Variants in THSD7B observed in about 807,000 individuals in gnomAD.
The protein encoded by THSD7B is thrombospondin type 1 domain containing 7B, also known as thrombospondin type-1 domain-containing protein 7B.
A neutral mutation model predicts 213.6 loss-of-function variants in THSD7B; 138 were observed. The observed-to-expected ratio is 0.65, with a 90% CI of 0.56 to 0.74. The LOEUF (loss-of-function observed/expected upper bound fraction) is 0.74, where lower values mean the gene tolerates loss of function less well. THSD7B is among the 30% of genes least tolerant of loss of function. THSD7B has a pLI of 0.00. For missense variants in THSD7B, 1,931 were observed against 1,991.5 expected, an observed-to-expected ratio of 0.97 and a Z score of 0.58; for synonymous variants, 742 against 687.0, an observed-to-expected ratio of 1.08 and a Z score of -1.25.
intron 14 of THSD7B, among the ~76,000 whole-genome samples, chr2:137,430,338 A>T (rs1342844292): frequency 6.6e-6 from 1 of 152,250 alleles, no homozygotes; most frequent in African/African-American, 2.4e-5. Flanking sequence ...AAGCTATATG[A>T]ACTGAAAGAG....
At chr2:137,121,441 T>G (rs62172307) in intron 5 of THSD7B, among the ~76,000 whole-genome samples, 20,964 of 152,238 alleles carry the variant, frequency 0.14, 1,815 homozygotes, top group Non-Finnish European at 0.19. Flanking sequence ...ATATATTTCT[T>G]CAAAGTTAAC....
chr2:137,639,008 G>C (rs966677079), intron 20 of THSD7B, among the ~76,000 whole-genome samples: 2 of 132,758 alleles, frequency 1.5e-5, no homozygotes, highest in African/African-American at 5.7e-5. Context: ...AAAAGAAAAA[G>C]CCATTTTTTT....
chr2:137,375,370 G>T (rs1422267881), intron 12 of THSD7B, among the ~76,000 whole-genome samples: 1 of 152,052 alleles, frequency 6.6e-6, no homozygotes, highest in Non-Finnish European at 1.5e-5. Flanking sequence ...GCACAACATT[G>T]GTTGTTTACA....
intron 12 of THSD7B, among the ~76,000 whole-genome samples, chr2:137,373,637 A>G (rs951778171): frequency 1.3e-5 from 2 of 151,984 alleles, no homozygotes; most frequent in Non-Finnish European, 2.9e-5. Flanking sequence ...ATTTTCTCCC[A>G]TTTTGTAGGT....
intron 2 of THSD7B, among the ~76,000 whole-genome samples, chr2:136,979,724 ACT>A (rs2104806575): frequency 6.6e-6 from 1 of 152,072 alleles, no homozygotes; most frequent in East Asian, 1.9e-4. Context: ...GTTAAAACAT[ACT>A]CCTTTATTTA....
At chr2:137,320,033 T>C (rs13415724) in intron 12 of THSD7B, among the ~76,000 whole-genome samples, 31,612 of 152,156 alleles carry the variant, frequency 0.21, 3,593 homozygotes, top group South Asian at 0.31. Flanking sequence ...AGAAAGGTCC[T>C]AAGGGAGTTG....
Position 136,943,448 on chromosome 2 carries a change from A to T in THSD7B, c.139+61131A>T, listed in dbSNP as rs185499482. 1.1e-4 allele frequency among the ~76,000 whole-genome samples: 17 copies of T among 152,308 alleles called. No homozygotes were observed. In the South Asian group the frequency reaches 3.5e-3, roughly 32 times the overall value. On this transcript the variant is annotated intron_variant, in intron 2 of 27. Coordinates refer to ENST00000409968, the MANE Select transcript of THSD7B (RefSeq NM_001316349.2). The stretch of plus-strand genomic sequence containing the variant: ...TTTCTATTAATTGGAATAGTTTCAG[A>T]AGGTATGGTACCAGCTCCTTTTTGT...
At chr2:137,386,760 C>G (rs1322617610) in intron 12 of THSD7B, among the ~76,000 whole-genome samples, 1 of 152,086 alleles carries the variant, frequency 6.6e-6, no homozygotes, top group Non-Finnish European at 1.5e-5. Flanking sequence ...GTCTGACTAT[C>G]CAAGTTTAGA....
intron 1 of THSD7B, among the ~76,000 whole-genome samples, chr2:136,799,445 G>C (rs193071378): frequency 1.2e-4 from 18 of 151,950 alleles, no homozygotes; most frequent in Admixed American, 1.0e-3. Context: ...CCATTTTTTT[G>C]TAATCCATCT....
At chr2:137,228,517 G>A (rs1184518705) in intron 7 of THSD7B, among the ~76,000 whole-genome samples, 1 of 152,050 alleles carries the variant, frequency 6.6e-6, no homozygotes, top group Non-Finnish European at 1.5e-5. Flanking sequence ...AGATCATTTG[G>A]AATTTGATGT....
chr2:136,974,018 C>T (rs549725142), intron 2 of THSD7B, among the ~76,000 whole-genome samples: 1 of 152,242 alleles, frequency 6.6e-6, no homozygotes, highest in East Asian at 1.9e-4. Flanking sequence ...CTCTTTTTCT[C>T]ATTGTGCTTT....
At chr2:137,675,687 G>C (rs1683684511) in intron 27 of THSD7B, among the ~76,000 whole-genome samples, 1 of 152,032 alleles carries the variant, frequency 6.6e-6, no homozygotes, top group Non-Finnish European at 1.5e-5. Flanking sequence ...ATAAGCAATA[G>C]ATGCTAATAT....
At chr2:137,377,425 A>T (rs1350185054) in intron 12 of THSD7B, among the ~76,000 whole-genome samples, 1 of 152,160 alleles carries the variant, frequency 6.6e-6, no homozygotes, top group Non-Finnish European at 1.5e-5. Flanking sequence ...GTTAATATAA[A>T]TGGTTTAGAG....
At chr2:137,301,069 T>C (rs543490917) in intron 12 of THSD7B, among the ~76,000 whole-genome samples, 44 of 152,290 alleles carry the variant, frequency 2.9e-4, no homozygotes, top group African/African-American at 1.0e-3. Flanking sequence ...ATAACTTTTA[T>C]TGTAATCCAT....
chr2:136,847,501 T>G (rs1231865857), intron 1 of THSD7B, among the ~76,000 whole-genome samples: 1 of 152,160 alleles, frequency 6.6e-6, no homozygotes, highest in Non-Finnish European at 1.5e-5. Flanking sequence ...CCCCATGGCT[T>G]TCTGATAAAG....
chr2:136,894,067 T>C (rs1683909775), intron 2 of THSD7B, among the ~76,000 whole-genome samples: 1 of 152,214 alleles, frequency 6.6e-6, no homozygotes, highest in African/African-American at 2.4e-5. Context: ...AATAAAAAGC[T>C]ATTGTGGAAA....
chr2:137,339,538 A>G (rs1414103455), intron 12 of THSD7B, among the ~76,000 whole-genome samples: 1 of 151,860 alleles, frequency 6.6e-6, no homozygotes. Flanking sequence ...ACACAAATGC[A>G]CATCATTTGT....
At chr2:137,143,270 T>C (rs555427734) in intron 5 of THSD7B, among the ~76,000 whole-genome samples, 7 of 152,140 alleles carry the variant, frequency 4.6e-5, no homozygotes, top group Non-Finnish European at 7.4e-5. Context: ...TTTAATATAG[T>C]CCCCAGTTTT....
Position 137,600,915 on chromosome 2 carries a change from T to A in THSD7B, c.3424-15260T>A, listed in dbSNP as rs924286749. Among the ~76,000 whole-genome samples the A allele has an allele frequency of 2.6e-5, 4 of 152,248 alleles. No individual in the cohort carries two copies. The East Asian group carries it at 5.8e-4, about 22-fold the overall frequency. ...AGGTGGAAGACAGCAAAATTGATGA[T>A]CCGGACCCTGTGTGGCCTAAGCTAA... On this transcript the variant is annotated intron_variant, in intron 17 of 27. Transcript: ENST00000409968.
Sources: allele counts gnomAD v4.1 joint callset (sites outside exome capture counted in the v4.1 genomes callset), GRCh38; gene constraint gnomAD v4.1.1; transcripts MANE v1.5; gene names NCBI Gene and HGNC (gene_info 2026-07-23, HGNC 2026-07-21).